The following GARRE1 variants were observed in gnomAD, a reference collection of about 807,000 sequenced individuals.
GARRE1 encodes granule associated Rac and RHOG effector 1.
Under a neutral mutation model 103.2 loss-of-function variants are expected in GARRE1, and 49 were observed. The observed-to-expected ratio is 0.47, with a 90% CI of 0.38 to 0.60. The LOEUF (loss-of-function observed/expected upper bound fraction) is 0.60. GARRE1 is among the 20% of genes least tolerant of loss of function. GARRE1 has a pLI of 0.00. For synonymous variants in GARRE1, 505 were observed against 532.8 expected (o/e 0.95, Z 0.72); for missense variants, 1,199 against 1,370.5 (o/e 0.87, Z 1.98).
At chr19:34,295,385 T>A (rs1380956021) in intron 1 of GARRE1, among the ~76,000 whole-genome samples, 1 of 152,206 alleles carries the variant, frequency 6.6e-6, no homozygotes, top group Non-Finnish European at 1.5e-5. Flanking sequence ...ATTCTATTAT[T>A]TTGCCAATTT....
intron 10 of GARRE1, among the ~76,000 whole-genome samples, chr19:34,346,299 C>T (rs995020088): frequency 1.3e-5 from 2 of 152,120 alleles, no homozygotes; most frequent in African/African-American, 4.8e-5. Flanking sequence ...GCCATCTGTG[C>T]TTTTCTCCCA....
chr19:34,328,122 T>A lies in GARRE1; in HGVS notation c.1075T>A (p.Ser359Thr). Reference protein sequence around the residue: ...HFLKGVSFNESAADNLKLKTH... With the variant: ...HFLKGVSFNETAADNLKLKTH... The stretch of plus-strand genomic sequence containing the variant: ...CCTGAAGGGCGTCTCCTTTAATGAG[T>A]CGGCCGCCGACAATCTGAAACTTAA... Residue 359 changes from serine to threonine, a missense_variant, in exon 6 of 14, where the codon TCG (serine) becomes ACG (threonine). Ser to Thr is a moderately conservative substitution (Grantham distance 58, BLOSUM62 1). Transcript: ENST00000299505. 1 of 1,613,818 alleles carries A rather than the reference T, an allele frequency of 6.2e-7. No homozygotes were observed. The highest frequency in any genetic ancestry group is 8.5e-7 in the Non-Finnish European group (1 of 1,179,990).
At chr19:34,327,184 T>C (rs1279206494) in intron 3 of GARRE1, among the ~76,000 whole-genome samples, 2 of 140,720 alleles carry the variant, frequency 1.4e-5, no homozygotes, top group Admixed American at 7.4e-5. Flanking sequence ...TAAAATAAAA[T>C]AATAAAATAA....
At chr19:34,352,179 C>T (rs1447670560) in intron 13 of GARRE1, among the ~76,000 whole-genome samples, 1 of 152,060 alleles carries the variant, frequency 6.6e-6, no homozygotes. Flanking sequence ...GCGGGTGGAT[C>T]ACGAACGAGG....
chr19:34,311,623 C>A (rs887825499), intron 2 of GARRE1, among the ~76,000 whole-genome samples: 1 of 151,992 alleles, frequency 6.6e-6, no homozygotes, highest in Non-Finnish European at 1.5e-5. Context: ...TCTTTTCCCC[C>A]CTCTGAGATG....
rs752800135 is a variant in GARRE1, at chr19:34,339,859, A to G, written c.1362-8A>G. 4.3e-6 allele frequency: 7 copies of G among 1,613,978 alleles called. No individual in the cohort carries two copies. The highest frequency in any genetic ancestry group is 2.7e-5 in the African/African-American group (2 of 74,924). On this transcript the variant is annotated splice_region_variant and splice_polypyrimidine_tract_variant and intron_variant, in intron 8 of 13. Coordinates refer to ENST00000299505, the MANE Select transcript of GARRE1 (RefSeq NM_014686.5). ...AGCCAAGACTAATGCAGCCTAATCT[A>G]TGCCTAGGTGCCTGAAAGAAGACCC... is the stretch of plus-strand genomic sequence containing the variant.
At chr19:34,329,208 G>A (rs918434206) in intron 6 of GARRE1, among the ~76,000 whole-genome samples, 1 of 152,212 alleles carries the variant, frequency 6.6e-6, no homozygotes, top group Non-Finnish European at 1.5e-5. Flanking sequence ...CTAGAAAGTA[G>A]AAGAGCTGGA....
intron 1 of GARRE1, among the ~76,000 whole-genome samples, chr19:34,284,827 AAT>A (rs1431714308): frequency 2.8e-4 from 42 of 152,362 alleles, no homozygotes; most frequent in Admixed American, 2.4e-3. Context: ...CAGGCAGATA[AAT>A]ATGAGGGTGG....
At chr19:34,329,421 G>C (rs1367449178) in intron 6 of GARRE1, among the ~76,000 whole-genome samples, 1 of 152,172 alleles carries the variant, frequency 6.6e-6, no homozygotes, top group East Asian at 1.9e-4. Context: ...AAATACCTGT[G>C]TATATTATCG....
At chr19:34,272,344 G>A (rs867987534) in intron 1 of GARRE1, among the ~76,000 whole-genome samples, 30 of 152,062 alleles carry the variant, frequency 2.0e-4, no homozygotes, top group African/African-American at 6.5e-4. Flanking sequence ...GATCACAGGC[G>A]CCCACCACCA....
chr19:34,333,815 T>TGA lies in GARRE1; in HGVS notation c.1361+14_1361+15insGA. ...CCCATCCACATGGTAACGTGCCTCT[T>TGA]ACTTTCACCGGAGCCTAAGCTCTGA... On this transcript the variant is annotated intron_variant, in intron 8 of 13. Coordinates refer to ENST00000299505, the MANE Select transcript of GARRE1 (RefSeq NM_014686.5). The TGA allele has an allele frequency of 6.8e-7, 1 of 1,465,662 alleles. No individual in the cohort carries two copies. The allele number at this position is 1,465,662 out of a possible 1,614,324, so 90.8% of individuals were successfully genotyped here.
At chr19:34,318,673 T>C (rs762771980) in intron 2 of GARRE1, among the ~76,000 whole-genome samples, 1 of 152,132 alleles carries the variant, frequency 6.6e-6, no homozygotes, top group Non-Finnish European at 1.5e-5. Context: ...TATGAGAAAT[T>C]AGGAAAAAAT....
At chr19:34,344,368 A>C (rs1022002353) in intron 10 of GARRE1, among the ~76,000 whole-genome samples, 5 of 152,068 alleles carry the variant, frequency 3.3e-5, no homozygotes, top group Admixed American at 1.3e-4. Flanking sequence ...AGGCGGGCGG[A>C]TCACGAGGTC....
intron 3 of GARRE1, among the ~76,000 whole-genome samples, 168 bp downstream of exon 3, chr19:34,320,284 A>C (rs1409358689): frequency 6.6e-6 from 1 of 152,256 alleles, no homozygotes; most frequent in Non-Finnish European, 1.5e-5. Context: ...GTGAATGCCC[A>C]CTTTGTGCCA....
chr19:34,300,331 C>T lies in GARRE1; in HGVS notation c.-143C>T. 1 of 846,458 alleles carries T rather than the reference C, an allele frequency of 1.2e-6. No homozygotes were observed. The highest frequency in any genetic ancestry group is 1.8e-6 in the Non-Finnish European group (1 of 553,888). 52.4% of individuals were successfully genotyped at this position (846,458 alleles called of 1,614,324 possible). On this transcript the variant is annotated 5_prime_UTR_variant, in exon 2 of 14. Coordinates refer to ENST00000299505, the MANE Select transcript of GARRE1 (RefSeq NM_014686.5). ...TGTCTCTCACCTCTACATTGGATCACATGGTCACCTGCCTCATGGAAATGC... is the reference window on the plus strand; with the variant it reads ...TGTCTCTCACCTCTACATTGGATCATATGGTCACCTGCCTCATGGAAATGC...
rs112001667 is a variant in GARRE1 at position 34,265,214 on chromosome 19, AC to A, written c.-796+10605del. Among the ~76,000 whole-genome samples, 1,225 of 152,078 alleles carry A rather than the reference AC, an allele frequency of 8.1e-3. 8 individuals are homozygous for A. Among genetic ancestry groups the A allele is most frequent in the African/African-American group, 0.028 (1,143 of 41,486 alleles). On this transcript the variant is annotated intron_variant, in intron 1 of 13. Coordinates refer to ENST00000299505, the MANE Select transcript of GARRE1 (RefSeq NM_014686.5). ...AATAACTCGCATCTTCCCTCACCCCACCCCCGGTCCCCGAGGTGGATATATG... is the reference window on the plus strand; with the variant it reads ...AATAACTCGCATCTTCCCTCACCCCACCCCGGTCCCCGAGGTGGATATATG...
chr19:34,349,441 G>A (rs561883096), intron 12 of GARRE1, among the ~76,000 whole-genome samples: 1 of 152,300 alleles, frequency 6.6e-6, no homozygotes, highest in South Asian at 2.1e-4. Context: ...GCAGGCCTTT[G>A]GTTGCGAGTT....
rs1469564797 is a variant in GARRE1, at chr19:34,299,798, CA to C, written c.-673del. 2 of 151,808 alleles carry C rather than the reference CA, an allele frequency of 1.3e-5. No individual in the cohort carries two copies. The highest frequency in any genetic ancestry group is 1.3e-4 in the Admixed American group (2 of 15,198). The allele number at this position is 151,808 out of a possible 1,614,324, so 9.4% of individuals were successfully genotyped here. A position where few individuals can be genotyped will look rare whatever the true frequency, so the allele number is the denominator to read the frequency against. On this transcript the variant is annotated 5_prime_UTR_variant, in exon 2 of 14. The change abolishes the stop of an existing upstream ORF in the 5' untranslated region. Coordinates refer to ENST00000299505, the MANE Select transcript of GARRE1 (RefSeq NM_014686.5). ...TGTTACAAGGAAACCGCTACCTCAG[CA>C]AACAAAAGGAATGGAGGAGGAGACT...
At chr19:34,346,132 T>A (rs1342230023) in intron 10 of GARRE1, among the ~76,000 whole-genome samples, 1 of 152,218 alleles carries the variant, frequency 6.6e-6, no homozygotes, top group Non-Finnish European at 1.5e-5. Context: ...ATGACTGAAA[T>A]CATCTTGTGA....
Sources: allele counts gnomAD v4.1 joint callset (sites outside exome capture counted in the v4.1 genomes callset), GRCh38; gene constraint gnomAD v4.1.1; transcripts MANE v1.5; gene names NCBI Gene and HGNC (gene_info 2026-07-23, HGNC 2026-07-21).